Variants in MYCBP2 observed in about 807,000 individuals in gnomAD.
The protein encoded by MYCBP2 is E3 ubiquitin-protein ligase MYCBP2.
A neutral mutation model predicts 525.3 loss-of-function variants in MYCBP2; 120 were observed. That is an observed-to-expected ratio of 0.23 (90% CI 0.20 to 0.27). The LOEUF (loss-of-function observed/expected upper bound fraction) is 0.27. Ranked by LOEUF, MYCBP2 falls within the 10% of genes least tolerant of loss-of-function variation. The pLI is 1.00. For missense variants in MYCBP2, 4,149 were observed against 5,657.1 expected (o/e 0.73, Z 8.55); for synonymous variants, 1,894 against 1,955.8 (o/e 0.97, Z 0.83).
intron 60 of MYCBP2, 53 bp downstream of exon 60, chr13:77,090,053 T>C: frequency 1.4e-6 from 2 of 1,418,896 alleles, no homozygotes; most frequent in Non-Finnish European, 1.9e-6. Context: ...AAAACAATTT[T>C]TTTATTTGTA....
intron 58 of MYCBP2, among the ~76,000 whole-genome samples, chr13:77,094,199 C>T (rs533534283): frequency 1.3e-4 from 20 of 152,216 alleles, no homozygotes; most frequent in Middle Eastern, 3.4e-3. Flanking sequence ...AACTGTTGGT[C>T]GGCAAGCCAT....
At chr13:77,154,398 G>A (rs1257674329) in intron 46 of MYCBP2, among the ~76,000 whole-genome samples, 1 of 150,812 alleles carries the variant, frequency 6.6e-6, no homozygotes, top group Non-Finnish European at 1.5e-5. Flanking sequence ...AAGGGAAAGA[G>A]GAGAGGGAAG....
In MYCBP2 at chr13:77,251,265, G is replaced by T; in HGVS notation, c.2267C>A (p.Pro756Gln). 1.2e-6 allele frequency: 2 copies of T among 1,614,176 alleles called. No homozygotes were observed. The highest frequency in any genetic ancestry group is 1.7e-6 in the Non-Finnish European group (2 of 1,180,012). Residue 756 changes from proline (P) to glutamine (Q), a missense_variant, in exon 15 of 83, where the codon CCA becomes CAA. Physicochemically the swap from Pro to Gln is moderately conservative, Grantham distance 76 (BLOSUM62 -1). Coordinates refer to ENST00000544440, the MANE Select transcript of MYCBP2 (RefSeq NM_015057.5). ...CTCCAGCTTCCATTTGTGCATGCCT[G>T]GAGGGCACATCATAGACTTCTCATC... ...EKDEKSMMCP[P>Q]GMHKWKLEQC...
chr13:77,083,645 AG>A (rs1025523808), intron 62 of MYCBP2, among the ~76,000 whole-genome samples: 12 of 152,134 alleles, frequency 7.9e-5, no homozygotes, highest in African/African-American at 2.9e-4. Flanking sequence ...TAGAAAAAAA[AG>A]CTCCTTTCTA....
intron 70 of MYCBP2, among the ~76,000 whole-genome samples, 181 bp downstream of exon 70, chr13:77,068,384 A>G (rs2040545224): frequency 6.6e-6 from 1 of 150,510 alleles, no homozygotes; most frequent in Non-Finnish European, 1.5e-5. Flanking sequence ...ATATTTTACT[A>G]TTCTATACTC....
At chr13:77,147,982 C>T (rs746069764) in intron 47 of MYCBP2, among the ~76,000 whole-genome samples, 5 of 152,126 alleles carry the variant, frequency 3.3e-5, no homozygotes, top group Admixed American at 2.0e-4. Flanking sequence ...TATTGCATTC[C>T]GTTGTGGTAA....
At chr13:77,323,444 C>T (rs976916678) in intron 1 of MYCBP2, among the ~76,000 whole-genome samples, 3 of 152,212 alleles carry the variant, frequency 2.0e-5, no homozygotes, top group African/African-American at 7.2e-5. Context: ...ATTCCCAGAA[C>T]ATTCTTCCTC....
intron 1 of MYCBP2, among the ~76,000 whole-genome samples, chr13:77,297,061 G>C (rs1175223744): frequency 6.6e-6 from 1 of 152,264 alleles, no homozygotes; most frequent in East Asian, 1.9e-4. Context: ...ACGGTGCAAA[G>C]GGACTTAAGA....
chr13:77,236,043 T>C (rs2067871352), intron 17 of MYCBP2, among the ~76,000 whole-genome samples: 1 of 152,190 alleles, frequency 6.6e-6, no homozygotes, highest in African/African-American at 2.4e-5. Flanking sequence ...CTGATCTGTA[T>C]TGCAGAATGA....
At chr13:77,253,399 A>G (rs1418321016) in intron 14 of MYCBP2, among the ~76,000 whole-genome samples, 2 of 151,976 alleles carry the variant, frequency 1.3e-5, no homozygotes, top group Non-Finnish European at 2.9e-5. Context: ...CAATTTTAAA[A>G]CTGTAGTATC....
intron 59 of MYCBP2, chr13:77,092,435 AG>A (rs2154121349): frequency 6.6e-6 from 1 of 152,112 alleles, no homozygotes; most frequent in Admixed American, 6.5e-5. Context: ...CCTCTAAAAA[AG>A]TTTCAGTGGT....
At chr13:77,146,776 C>T (rs1013051681) in intron 47 of MYCBP2, among the ~76,000 whole-genome samples, 1 of 152,086 alleles carries the variant, frequency 6.6e-6, no homozygotes, top group Non-Finnish European at 1.5e-5. Context: ...GAACCAAGCG[C>T]AGAGGAGAAC....
intron 6 of MYCBP2, 109 bp downstream of exon 6, chr13:77,270,187 T>C: frequency 1.4e-6 from 2 of 1,430,646 alleles, no homozygotes; most frequent in Non-Finnish European, 1.9e-6. Context: ...ATAAATATTA[T>C]TACACTAAAA....
intron 38 of MYCBP2, among the ~76,000 whole-genome samples, chr13:77,171,134 T>C (rs1265915517): frequency 6.6e-6 from 1 of 152,130 alleles, no homozygotes; most frequent in Non-Finnish European, 1.5e-5. Flanking sequence ...ATGGTTAGGG[T>C]ACCCCAGAGT....
chr13:77,157,983 C>A lies in MYCBP2; in HGVS notation c.6724G>T (p.Asp2242Tyr), dbSNP rs1253762768. The A allele has an allele frequency of 6.2e-7, 1 of 1,613,436 alleles. No individual in the cohort carries two copies. Residue 2242 changes from aspartate to tyrosine, a missense_variant, in exon 45 of 83, where the codon GAT becomes TAT. Transcript: ENST00000544440. ...IQSNEQSFLDDFIACVPGSSG... is the reference protein window; with the variant it reads ...IQSNEQSFLDYFIACVPGSSG... ...GATCCTGGGACACAGGCAATAAAAT[C>A]ATCCAGAAAAGACTGTTCATTGCTT... is the stretch of plus-strand genomic sequence containing the variant.
At chr13:77,136,363 T>TA (rs1389495335) in intron 52 of MYCBP2, among the ~76,000 whole-genome samples, 1 of 152,252 alleles carries the variant, frequency 6.6e-6, no homozygotes, top group Non-Finnish European at 1.5e-5. Context: ...ACTCTTTAAC[T>TA]ATAGTGCATT....
At chr13:77,144,235 G>T (rs745809247) in intron 49 of MYCBP2, 1 of 534,348 alleles carries the variant, frequency 1.9e-6, no homozygotes, top group African/African-American at 1.9e-5. Context: ...AGTCATGAGG[G>T]CTACAGTGCC....
At chr13:77,307,792 G>C (rs1038562156) in intron 1 of MYCBP2, among the ~76,000 whole-genome samples, 1 of 151,742 alleles carries the variant, frequency 6.6e-6, no homozygotes, top group African/African-American at 2.4e-5. Context: ...TCCTACATAC[G>C]ATAACTACCA....
chr13:77,288,988 T>G (rs2154360032), intron 2 of MYCBP2, among the ~76,000 whole-genome samples: 1 of 152,242 alleles, frequency 6.6e-6, no homozygotes, highest in East Asian at 1.9e-4. Flanking sequence ...AGTTTCTCTT[T>G]TATGCCCAAT....
Sources: gnomAD v4.1 joint callset for allele counts (sites outside exome capture counted in the v4.1 genomes callset) on GRCh38, gnomAD v4.1.1 for gene constraint, MANE v1.5 for transcripts, NCBI Gene and HGNC (gene_info 2026-07-23, HGNC 2026-07-21) for gene names.